The following HEXB variants were observed in gnomAD, a reference collection of about 807,000 sequenced individuals.
HEXB encodes hexosaminidase subunit beta.
HEXB carries 51 observed loss-of-function variants against 71.2 expected under a neutral mutation model. The ratio of observed to expected loss-of-function variants is 0.72; its 90% CI spans 0.57 to 0.90. HEXB has a LOEUF of 0.90. Ranked by LOEUF, HEXB falls within the 40% of genes least tolerant of loss-of-function variation. The probability of loss-of-function intolerance (pLI) is 0.00; values close to 1 mark genes in which losing one functional copy is unlikely to be tolerated. For synonymous variants in HEXB, 266 were observed against 249.3 expected (o/e 1.07, Z -0.63); for missense variants, 617 against 677.0 (o/e 0.91, Z 0.98).
chr5:74,645,923 T>C (rs1461075913), intron 1 of HEXB, among the ~76,000 whole-genome samples: 1 of 150,274 alleles, frequency 6.7e-6, no homozygotes, highest in Non-Finnish European at 1.5e-5. Flanking sequence ...TTAATCTCCA[T>C]TTAAGTTCCA....
intron 2 of HEXB, 140 bp from the exon 3 acceptor site, chr5:74,693,499 C>T: frequency 1.4e-6 from 1 of 718,408 alleles, no homozygotes; most frequent in Non-Finnish European, 2.5e-6. Context: ...TGGAGATGTA[C>T]AGGAGGCAGT....
chr5:74,683,970 G>A (rs373546775), upstream of HEXB, among the ~76,000 whole-genome samples: 817 of 151,890 alleles, frequency 5.4e-3, 9 homozygotes, highest in African/African-American at 0.019. Context: ...ACAGGCGCCC[G>A]CCACCACGCC....
chr5:74,642,195 G>C (rs772343088), intron 1 of HEXB, among the ~76,000 whole-genome samples: 13 of 152,180 alleles, frequency 8.5e-5, no homozygotes, highest in Non-Finnish European at 1.9e-4. Context: ...TGCAAACAAA[G>C]AAAGACAGTG....
At chr5:74,681,023 C>A (rs143867606), upstream of HEXB, among the ~76,000 whole-genome samples, 1 of 152,282 alleles carries the variant, frequency 6.6e-6, no homozygotes, top group East Asian at 1.9e-4. Context: ...CAATTCCATG[C>A]GTTAGCTTTA....
intron 1 of HEXB, among the ~76,000 whole-genome samples, chr5:74,663,931 G>T (rs943018478): frequency 3.3e-5 from 5 of 151,842 alleles, no homozygotes; most frequent in East Asian, 1.9e-4. Flanking sequence ...TTCAAGACCA[G>T]CCTGGGCAAC....
At chr5:74,702,014 A>C (rs1749271992) in intron 5 of HEXB, among the ~76,000 whole-genome samples, 1 of 145,292 alleles carries the variant, frequency 6.9e-6, no homozygotes, top group African/African-American at 2.6e-5. Flanking sequence ...TGTTCCGTTT[A>C]CTTGTATGTC....
intron 7 of HEXB, among the ~76,000 whole-genome samples, chr5:74,713,952 T>G (rs1749614119): frequency 6.6e-6 from 1 of 152,228 alleles, no homozygotes; most frequent in African/African-American, 2.4e-5. Flanking sequence ...GCGATTCTCC[T>G]GCCTCAGCCT....
At chr5:74,657,080 C>T (rs948607206) in intron 1 of HEXB, among the ~76,000 whole-genome samples, 1 of 152,142 alleles carries the variant, frequency 6.6e-6, no homozygotes, top group African/African-American at 2.4e-5. Context: ...ACAGTCACCC[C>T]TGGTCAACAC....
intron 1 of HEXB, among the ~76,000 whole-genome samples, chr5:74,648,551 G>T (rs1748043099): frequency 7.0e-6 from 1 of 143,360 alleles, no homozygotes; most frequent in Non-Finnish European, 1.5e-5. Context: ...CCCTTATACT[G>T]TCTTAATAGT....
In HEXB at chr5:74,715,838, G is replaced by A. The variant is rs1579952364; in HGVS notation, c.1082+148G>A. 4 of 640,184 alleles carry A rather than the reference G, an allele frequency of 6.2e-6. No individual in the cohort carries two copies. In the South Asian group the frequency reaches 7.0e-5, roughly 11 times the overall value. 39.7% of individuals were successfully genotyped at this position (640,184 alleles called of 1,614,324 possible). A position where few individuals can be genotyped will look rare whatever the true frequency, so the allele number is the denominator to read the frequency against. On this transcript the variant is annotated intron_variant, in intron 8 of 13. Coordinates refer to ENST00000261416, the MANE Select transcript of HEXB (RefSeq NM_000521.4). ...TCAAGACCAGCCTGGCCAACATGGTGAAACCCCATCTCTACTAAAAATACA... is the reference window on the plus strand; with the variant it reads ...TCAAGACCAGCCTGGCCAACATGGTAAAACCCCATCTCTACTAAAAATACA...
intron 1 of HEXB, among the ~76,000 whole-genome samples, chr5:74,686,273 G>A (rs1246871591): frequency 6.6e-6 from 1 of 152,124 alleles, no homozygotes; most frequent in Admixed American, 6.5e-5. Flanking sequence ...GTTTTGTCAT[G>A]GGAGTCAGCC....
chr5:74,716,016 CAAAAAAAAAA>C (rs71600435), intron 8 of HEXB, among the ~76,000 whole-genome samples: 10 of 64,868 alleles, frequency 1.5e-4, no homozygotes, highest in East Asian at 1.5e-3. Context: ...GACTCCATCT[CAAAAAAAAAA>C]AAAAAAAAAA....
rs762455258 is a variant in HEXB at position 74,715,577 on chromosome 5, C to G, written c.969C>G (p.Asn323Lys). 6.2e-7 allele frequency: 1 copy of G among 1,611,276 alleles called. No individual in the cohort carries two copies. The highest frequency in any genetic ancestry group is 8.5e-7 in the Non-Finnish European group (1 of 1,177,562). The change falls in exon 8 of 14, where the codon AAC becomes AAG. Residue 323 changes from asparagine to lysine, a missense_variant. Transcript: ENST00000261416. Reference sequence around the variant, plus strand: ...AGTTGGACTCTTTTGGACCTATAAACCCTACTCTGAATACAACATACAGCT... The same window carrying G: ...AGTTGGACTCTTTTGGACCTATAAAGCCTACTCTGAATACAACATACAGCT... ...QNKLDSFGPINPTLNTTYSFL... is the reference protein window; with the variant it reads ...QNKLDSFGPIKPTLNTTYSFL...
At chr5:74,672,188 A>G (rs936255028) in intron 1 of HEXB, among the ~76,000 whole-genome samples, 6 of 152,092 alleles carry the variant, frequency 3.9e-5, no homozygotes, top group African/African-American at 7.2e-5. Context: ...CCCCTCATCC[A>G]TCTCCCTGCC....
chr5:74,695,933 C>T (rs2112139895), intron 3 of HEXB, among the ~76,000 whole-genome samples: 1 of 151,950 alleles, frequency 6.6e-6, no homozygotes, highest in Admixed American at 6.5e-5. Context: ...TACCATCAGA[C>T]TTTCAGAGTA....
chr5:74,680,164 A>T lies in HEXB; in HGVS notation c.-376-9164A>T, dbSNP rs557745766. On this transcript the variant is annotated intron_variant, in intron 1 of 13. Transcript: ENST00000511181. ...GGGATACTATCTTTCATGAAAAAGG[A>T]AGGATGACTCGCAAATCAGAACTGC... Among the ~76,000 whole-genome samples, 71 of 152,310 alleles carry T rather than the reference A, an allele frequency of 4.7e-4. No individual in the cohort carries two copies. In the Middle Eastern group the frequency reaches 0.014, roughly 29 times the overall value.
At chr5:74,711,735 T>C (rs1415964554) in intron 6 of HEXB, among the ~76,000 whole-genome samples, 1 of 152,036 alleles carries the variant, frequency 6.6e-6, no homozygotes, top group African/African-American at 2.4e-5. Context: ...CACAATGAGA[T>C]ACCATCTCAC....
chr5:74,668,894 A>G (rs1157993675), intron 1 of HEXB, among the ~76,000 whole-genome samples: 2 of 152,186 alleles, frequency 1.3e-5, no homozygotes, highest in African/African-American at 2.4e-5. Flanking sequence ...GCATTTCCTT[A>G]TTTGGATGCA....
At chr5:74,664,705 G>T (rs557131763) in intron 1 of HEXB, among the ~76,000 whole-genome samples, 1 of 152,274 alleles carries the variant, frequency 6.6e-6, no homozygotes, top group South Asian at 2.1e-4. Context: ...GACTTCTGAA[G>T]AGTGTCAGAA....
Sources: gnomAD v4.1 joint callset for allele counts (sites outside exome capture counted in the v4.1 genomes callset) on GRCh38, gnomAD v4.1.1 for gene constraint, MANE v1.5 for transcripts, NCBI Gene and HGNC (gene_info 2026-07-23, HGNC 2026-07-21) for gene names.